The following THUMPD3 variants were observed in gnomAD, a reference collection of about 807,000 sequenced individuals.
The protein encoded by THUMPD3 is THUMP domain 3 tRNA guanosine methyltransferase.
A neutral mutation model predicts 54.5 loss-of-function variants in THUMPD3; 44 were observed. The observed-to-expected ratio is 0.81, with a 90% CI of 0.63 to 1.04. THUMPD3 has a LOEUF of 1.04. Ranked by LOEUF, THUMPD3 falls within the 50% of genes least tolerant of loss-of-function variation. THUMPD3 has a pLI of 0.00. For missense variants in THUMPD3, 604 were observed against 601.3 expected, an observed-to-expected ratio of 1.00 and a Z score of -0.05; for synonymous variants, 196 against 201.4, an observed-to-expected ratio of 0.97 and a Z score of 0.23.
intron 7 of THUMPD3, 32 bp downstream of exon 7, chr3:9,380,650 TAG>T (rs34405225): frequency 0.078 from 115,637 of 1,481,386 alleles, 8,328 homozygotes; most frequent in East Asian, 0.35. Flanking sequence ...TAGCATCTTT[TAG>T]AGTTAGAGAA....
At chr3:9,377,034 AT>A (rs1391710826) in intron 5 of THUMPD3, among the ~76,000 whole-genome samples, 1 of 152,118 alleles carries the variant, frequency 6.6e-6, no homozygotes, top group Non-Finnish European at 1.5e-5. Context: ...CCACAGAGCA[AT>A]TTTTTTATAT....
Position 9,371,550 on chromosome 3 carries a change from C to G in THUMPD3, c.807+14C>G, listed in dbSNP as rs780951378. 26 of 1,578,252 alleles carry G rather than the reference C, an allele frequency of 1.6e-5. No individual in the cohort carries two copies. The highest frequency in any genetic ancestry group is 2.2e-5 in the Non-Finnish European group (26 of 1,158,346). The stretch of plus-strand genomic sequence containing the variant: ...TTTGATGTGGAGGTAGGTATAGGCT[C>G]TGACTGTGGTGATTGAAGAATGCTG... On this transcript the variant is annotated intron_variant, in intron 4 of 9. Transcript: ENST00000452837.
At chr3:9,364,969 A>G in intron 1 of THUMPD3, 47 bp from the exon 2 acceptor site, 1 of 1,463,566 alleles carries the variant, frequency 6.8e-7, no homozygotes, top group Non-Finnish European at 9.2e-7. Flanking sequence ...ATTATAACTG[A>G]AATATGAGAT....
chr3:9,365,276 C>G lies in THUMPD3; in HGVS notation c.208C>G (p.Arg70Gly), dbSNP rs753651554. Residue 70 changes from arginine to glycine, a missense_variant, in exon 2 of 10, where the codon CGT becomes GGT. Coordinates refer to ENST00000452837, the MANE Select transcript of THUMPD3 (RefSeq NM_001114092.2). ...GTCATCATGCAAAATCAGCAGAGAC[C>G]GTGGCAAGATATATTTTGTCATTTC... ...LGSSCKISRD[R>G]GKIYFVISVE... is the part of the protein sequence containing the mutation. 2 of 1,614,126 alleles carry G rather than the reference C, an allele frequency of 1.2e-6. No homozygotes were observed. The highest frequency in any genetic ancestry group is 4.5e-5 in the East Asian group (2 of 44,880).
intron 3 of THUMPD3, among the ~76,000 whole-genome samples, chr3:9,368,167 G>C (rs529287111): frequency 5.9e-5 from 9 of 152,054 alleles, no homozygotes; most frequent in Admixed American, 5.9e-4. Context: ...TAAGTATTCA[G>C]ATGATAATCA....
intron 2 of THUMPD3, among the ~76,000 whole-genome samples, chr3:9,365,528 T>C (rs2031482764): frequency 6.8e-6 from 1 of 146,588 alleles, no homozygotes; most frequent in African/African-American, 2.5e-5. Flanking sequence ...GTGTTTCAGA[T>C]TTTTGGAGGG....
At position 9,384,776 on chromosome 3, in the gene THUMPD3, G is replaced by C; in HGVS notation, c.*88G>C. 1 of 1,468,462 alleles carries C rather than the reference G, an allele frequency of 6.8e-7. No homozygotes were observed. The highest frequency in any genetic ancestry group is 9.4e-7 in the Non-Finnish European group (1 of 1,066,054). The allele number at this position is 1,468,462 out of a possible 1,614,324, so 91.0% of individuals were successfully genotyped here. On this transcript the variant is annotated 3_prime_UTR_variant, in exon 10 of 10. Transcript: ENST00000452837. ...GGAAAAAAGTATTAACAAAACTGCA[G>C]TCTGCACTCTTTAAACCTGTTTAAG...
chr3:9,385,146 GATTTT>G lies in THUMPD3; in HGVS notation c.*461_*465del, dbSNP rs2033249805. 1.3e-5 allele frequency: 2 copies of G among 154,178 alleles called. No homozygotes were observed. Among genetic ancestry groups the G allele is most frequent in the Admixed American group, 1.3e-4 (2 of 15,640 alleles). 9.6% of individuals were successfully genotyped at this position (154,178 alleles called of 1,614,324 possible). Reference sequence around the variant, plus strand: ...CAAGAGCGAAACTCTGTCTCAAAAAGATTTTATAAGAAAGCAGAGCTTTTCCTTGA... The same window carrying G: ...CAAGAGCGAAACTCTGTCTCAAAAAGATAAGAAAGCAGAGCTTTTCCTTGA... On this transcript the variant is annotated 3_prime_UTR_variant, in exon 10 of 10. Coordinates refer to ENST00000452837, the MANE Select transcript of THUMPD3 (RefSeq NM_001114092.2).
intron 1 of THUMPD3, chr3:9,363,559 C>G (rs1478711734): frequency 6.6e-6 from 1 of 152,132 alleles, no homozygotes; most frequent in Non-Finnish European, 1.5e-5. Flanking sequence ...TTTTGAGTCA[C>G]AGACCTTTTG....
Position 9,365,089 on chromosome 3 carries a change from C to T in THUMPD3, c.21C>T (p.Ala7=), listed in dbSNP as rs2031416429. 1.2e-6 allele frequency: 2 copies of T among 1,614,060 alleles called. No individual in the cohort carries two copies. Among genetic ancestry groups the T allele is most frequent in the South Asian group, 1.1e-5 (1 of 91,078 alleles). Residue 7 remains alanine (A), a synonymous_variant, in exon 2 of 10, where the codon GCC becomes GCT. Transcript: ENST00000452837. MCDIEE[A]TNQLLDVNLH... ...CCAACATGTGTGACATTGAAGAAGC[C>T]ACTAACCAACTCCTAGATGTGAACC...
intron 6 of THUMPD3, among the ~76,000 whole-genome samples, 180 bp from the exon 7 acceptor site, chr3:9,380,323 G>GT (rs2032781561): frequency 6.6e-6 from 1 of 152,122 alleles, no homozygotes; most frequent in African/African-American, 2.4e-5. Context: ...TAAGAGATGG[G>GT]TAGAGGTTCA....
At chr3:9,368,201 C>A (rs912498213) in intron 3 of THUMPD3, among the ~76,000 whole-genome samples, 1 of 151,738 alleles carries the variant, frequency 6.6e-6, no homozygotes, top group Non-Finnish European at 1.5e-5. Flanking sequence ...CCCCACCCCC[C>A]TCTTTTAAAA....
intron 3 of THUMPD3, among the ~76,000 whole-genome samples, chr3:9,367,891 C>T (rs1383977801): frequency 1.3e-5 from 2 of 152,000 alleles, no homozygotes; most frequent in Non-Finnish European, 2.9e-5. Flanking sequence ...CGGTGAAACC[C>T]CGTCTCTACT....
chr3:9,381,756 CTTTTTTTTTTTTTTTTTTTTTTTTTTT>C (rs753480713), intron 7 of THUMPD3, among the ~76,000 whole-genome samples: 3 of 44,322 alleles, frequency 6.8e-5, no homozygotes, highest in African/African-American at 2.1e-4. Flanking sequence ...TCAACCCGTA[CTTTTTTTTTTTTTTTTTTTTTTTTTTT>C]TTTTTTTTTT....
In THUMPD3 at chr3:9,374,571, A is replaced by G; in HGVS notation, c.863A>G (p.Glu288Gly). 1.2e-6 allele frequency: 2 copies of G among 1,614,154 alleles called. No homozygotes were observed. The highest frequency in any genetic ancestry group is 1.7e-6 in the Non-Finnish European group (2 of 1,179,994). ...ATTGTGGGCATTGCATTGACTGAAG[A>G]GAGTCTCCACCGAAGAAATATAACA... ...EVIVGIALTE[E>G]SLHRRNITHF... is the part of the protein sequence containing the mutation. The change falls in exon 5 of 10, where the codon GAG becomes GGG. Residue 288 changes from glutamate to glycine, a missense_variant. Physicochemically the swap from Glu to Gly is moderately conservative, Grantham distance 98 (BLOSUM62 -2). Transcript: ENST00000452837.
intron 6 of THUMPD3, among the ~76,000 whole-genome samples, chr3:9,379,653 T>C (rs1025737729): frequency 5.9e-5 from 9 of 151,778 alleles, no homozygotes; most frequent in Non-Finnish European, 1.0e-4. Context: ...AGTGATATGG[T>C]GGTTACCATT....
In THUMPD3 at chr3:9,384,751, G is replaced by A. The variant is rs1057447659; in HGVS notation, c.*63G>A. On this transcript the variant is annotated 3_prime_UTR_variant, in exon 10 of 10. Coordinates refer to ENST00000452837, the MANE Select transcript of THUMPD3 (RefSeq NM_001114092.2). ...ATGTTAGCATAAAAGAACTTGGAGAGGAAAAAAGTATTAACAAAACTGCAG... is the reference window on the plus strand; with the variant it reads ...ATGTTAGCATAAAAGAACTTGGAGAAGAAAAAAGTATTAACAAAACTGCAG... 6.3e-7 allele frequency: 1 copy of A among 1,587,090 alleles called. No homozygotes were observed. The highest frequency in any genetic ancestry group is 8.6e-7 in the Non-Finnish European group (1 of 1,163,884).
chr3:9,370,945 C>A, intron 3 of THUMPD3, 115 bp from the exon 4 acceptor site: 1 of 862,448 alleles, frequency 1.2e-6, no homozygotes, highest in Non-Finnish European at 1.8e-6. Flanking sequence ...GTGTCTTTGG[C>A]GGTCCTGGAA....
At chr3:9,382,055 T>C (rs1265178219) in intron 7 of THUMPD3, among the ~76,000 whole-genome samples, 1 of 152,094 alleles carries the variant, frequency 6.6e-6, no homozygotes, top group African/African-American at 2.4e-5. Context: ...AGTGCTGGGA[T>C]TACAGGCATG....
Sources: allele counts gnomAD v4.1 joint callset (sites outside exome capture counted in the v4.1 genomes callset), GRCh38; gene constraint gnomAD v4.1.1; transcripts MANE v1.5; gene names NCBI Gene and HGNC (gene_info 2026-07-23, HGNC 2026-07-21).